The following CDH12 variants were observed in gnomAD, a reference collection of about 807,000 sequenced individuals.
CDH12 encodes cadherin-12.
Under a neutral mutation model 74.1 loss-of-function variants are expected in CDH12, and 41 were observed. The ratio of observed to expected loss-of-function variants is 0.55; its 90% CI spans 0.43 to 0.72. The LOEUF is 0.72. Ranked by LOEUF, CDH12 falls within the 30% of genes least tolerant of loss-of-function variation. The probability of loss-of-function intolerance (pLI) is 0.00; values close to 1 mark genes in which losing one functional copy is unlikely to be tolerated. For synonymous variants in CDH12, 399 were observed against 355.0 expected (o/e 1.12, Z -1.39); for missense variants, 945 against 977.2 (o/e 0.97, Z 0.44).
At chr5:21,967,763 A>T (rs961935478) in intron 6 of CDH12, among the ~76,000 whole-genome samples, 1 of 152,170 alleles carries the variant, frequency 6.6e-6, no homozygotes, top group African/African-American at 2.4e-5. Flanking sequence ...CAGGAATCAA[A>T]CAGACGAATA....
chr5:22,290,030 A>G (rs1044168735), intron 3 of CDH12, among the ~76,000 whole-genome samples: 11 of 152,156 alleles, frequency 7.2e-5, no homozygotes, highest in African/African-American at 1.9e-4. Context: ...TATCTGGAGC[A>G]TCCCAGTGCC....
At chr5:22,235,023 T>A (rs991830707) in intron 3 of CDH12, among the ~76,000 whole-genome samples, 2 of 152,124 alleles carry the variant, frequency 1.3e-5, no homozygotes, top group Admixed American at 6.6e-5. Context: ...CAAAATAGCT[T>A]ACAAGCATAT....
intron 5 of CDH12, among the ~76,000 whole-genome samples, chr5:22,051,158 C>A (rs970594092): frequency 3.3e-5 from 5 of 152,046 alleles, no homozygotes; most frequent in African/African-American, 1.2e-4. Context: ...GAGAGATGGA[C>A]AGCTCCTCCT....
chr5:22,004,962 C>G (rs909720124), intron 5 of CDH12, among the ~76,000 whole-genome samples: 2 of 152,154 alleles, frequency 1.3e-5, no homozygotes, highest in Non-Finnish European at 2.9e-5. Flanking sequence ...TGTGTTGCTG[C>G]AAAACACACG....
intron 3 of CDH12, among the ~76,000 whole-genome samples, chr5:22,298,137 A>AAT (rs1457795610): frequency 6.7e-6 from 1 of 149,918 alleles, no homozygotes; most frequent in African/African-American, 2.4e-5. Context: ...GATACAATTT[A>AAT]ATATATATAT....
intron 3 of CDH12, among the ~76,000 whole-genome samples, chr5:22,249,990 T>C (rs1753081847): frequency 6.6e-6 from 1 of 151,866 alleles, no homozygotes; most frequent in South Asian, 2.1e-4. Context: ...ACAAACAAAT[T>C]GAGCCTTAAA....
chr5:22,398,182 G>A (rs1742546709), intron 3 of CDH12, among the ~76,000 whole-genome samples: 1 of 152,036 alleles, frequency 6.6e-6, no homozygotes, highest in Non-Finnish European at 1.5e-5. Flanking sequence ...CAGTAATATG[G>A]CAAATTGCTG....
chr5:21,809,133 A>G (rs1453997942), intron 9 of CDH12, among the ~76,000 whole-genome samples: 3 of 152,104 alleles, frequency 2.0e-5, no homozygotes, highest in Non-Finnish European at 4.4e-5. Flanking sequence ...AGTTATTACT[A>G]TACTTTAGTG....
intron 2 of CDH12, among the ~76,000 whole-genome samples, chr5:22,496,323 ATAAAAAT>A (rs1334783468): frequency 6.6e-6 from 1 of 152,200 alleles, no homozygotes; most frequent in East Asian, 1.9e-4. Flanking sequence ...TTTTGATGAC[ATAAAAAT>A]TAAGAATTTT....
chr5:22,167,924 T>C (rs1748779867), intron 4 of CDH12, among the ~76,000 whole-genome samples: 1 of 152,124 alleles, frequency 6.6e-6, no homozygotes, highest in Non-Finnish European at 1.5e-5. Flanking sequence ...CCTCAAACTC[T>C]GGTCAAAACA....
intron 6 of CDH12, among the ~76,000 whole-genome samples, chr5:21,933,684 G>T (rs1754946357): frequency 1.3e-5 from 2 of 152,160 alleles, no homozygotes; most frequent in South Asian, 4.1e-4. Flanking sequence ...GAAATGGGAG[G>T]TTGCTCTAGA....
intron 6 of CDH12, among the ~76,000 whole-genome samples, chr5:21,943,089 C>A (rs1282962303): frequency 6.6e-6 from 1 of 152,080 alleles, no homozygotes; most frequent in Non-Finnish European, 1.5e-5. Flanking sequence ...GCTCTCTCTC[C>A]CCTGCTGCCA....
chr5:22,633,714 C>T (rs1056644661), intron 1 of CDH12, among the ~76,000 whole-genome samples: 1 of 152,150 alleles, frequency 6.6e-6, no homozygotes, highest in African/African-American at 2.4e-5. Context: ...CAAATCTAGG[C>T]TAGAATCTGT....
At chr5:22,678,811 A>G (rs552286663) in intron 1 of CDH12, among the ~76,000 whole-genome samples, 34 of 152,106 alleles carry the variant, frequency 2.2e-4, no homozygotes, top group Non-Finnish European at 3.5e-4. Context: ...ATTTACCTTT[A>G]CTACATCAGC....
intron 6 of CDH12, among the ~76,000 whole-genome samples, chr5:21,909,506 A>C (rs972788621): frequency 2.6e-5 from 4 of 152,188 alleles, no homozygotes; most frequent in African/African-American, 9.7e-5. Context: ...TACAATTAGG[A>C]TTAAAAAAAT....
At chr5:22,060,165 G>T (rs905445140) in intron 5 of CDH12, among the ~76,000 whole-genome samples, 5 of 152,084 alleles carry the variant, frequency 3.3e-5, no homozygotes, top group Admixed American at 2.6e-4. Context: ...CATGTCCTTT[G>T]CAGGGACATG....
chr5:22,798,551 CTTA>C (rs1748348481), intron 1 of CDH12, among the ~76,000 whole-genome samples: 1 of 152,000 alleles, frequency 6.6e-6, no homozygotes, highest in African/African-American at 2.4e-5. Context: ...CACAGTCACA[CTTA>C]TTTTTATCAT....
intron 3 of CDH12, among the ~76,000 whole-genome samples, chr5:22,317,279 T>C (rs1047818015): frequency 1.3e-5 from 2 of 152,032 alleles, no homozygotes; most frequent in African/African-American, 2.4e-5. Context: ...GATTGCACCA[T>C]TGTAATCCAG....
At chr5:22,503,712 T>G (rs1037196178) in intron 2 of CDH12, among the ~76,000 whole-genome samples, 3 of 152,132 alleles carry the variant, frequency 2.0e-5, no homozygotes, top group Non-Finnish European at 4.4e-5. Context: ...CTATTTTTAT[T>G]TCTTCTTATC....
Sources: gnomAD v4.1 joint callset for allele counts (sites outside exome capture counted in the v4.1 genomes callset) on GRCh38, gnomAD v4.1.1 for gene constraint, MANE v1.5 for transcripts, NCBI Gene and HGNC (gene_info 2026-07-23, HGNC 2026-07-21) for gene names.